XPO4: variants seen among roughly 807,000 people sequenced by gnomAD.
XPO4 encodes the protein exportin 4, also known as exportin-4.
In XPO4, 39 loss-of-function variants were observed where a neutral mutation model predicts 143.0. The observed-to-expected ratio is 0.27, with a 90% CI of 0.21 to 0.36. The LOEUF (loss-of-function observed/expected upper bound fraction) is 0.36. Ranked by LOEUF, XPO4 falls within the 10% of genes least tolerant of loss-of-function variation. The probability of loss-of-function intolerance (pLI) is 1.00; values close to 1 mark genes in which losing one functional copy is unlikely to be tolerated. For missense variants in XPO4, 907 were observed against 1,348.0 expected, an observed-to-expected ratio of 0.67 and a Z score of 5.12; for synonymous variants, 439 against 474.0, an observed-to-expected ratio of 0.93 and a Z score of 0.96.
chr13:20,798,052 G>A (rs898512025), intron 16 of XPO4, among the ~76,000 whole-genome samples: 2 of 152,112 alleles, frequency 1.3e-5, no homozygotes, highest in Non-Finnish European at 2.9e-5. Context: ...GCTGAGACAG[G>A]AGAGTCGCTT....
At chr13:20,890,186 T>C (rs1451069649) in intron 1 of XPO4, among the ~76,000 whole-genome samples, 1 of 152,206 alleles carries the variant, frequency 6.6e-6, no homozygotes, top group Non-Finnish European at 1.5e-5. Flanking sequence ...CGGTGGCTTA[T>C]GCCCGTCATC....
At chr13:20,837,476 G>T (rs2059929587) in intron 6 of XPO4, among the ~76,000 whole-genome samples, 1 of 151,836 alleles carries the variant, frequency 6.6e-6, no homozygotes, top group Non-Finnish European at 1.5e-5. Flanking sequence ...CGTAATCTCA[G>T]CTCACTGCCA....
At chr13:20,818,996 A>C (rs928894773) in intron 9 of XPO4, among the ~76,000 whole-genome samples, 1 of 151,764 alleles carries the variant, frequency 6.6e-6, no homozygotes, top group Non-Finnish European at 1.5e-5. Flanking sequence ...AATTTTTTAT[A>C]TTTTTAAGTA....
Position 20,802,417 on chromosome 13 carries a change from T to A in XPO4, c.1818-1427A>T, listed in dbSNP as rs76941750. On this transcript the variant is annotated intron_variant, in intron 13 of 22. Coordinates refer to ENST00000255305, the MANE Select transcript of XPO4 (RefSeq NM_022459.5). ...TGCTCGTTTGAGTTTTTTAAAAAAA[T>A]TTTTTAGGGGGTATATGAACAACAA... is the stretch of plus-strand genomic sequence containing the variant. 7.4e-3 allele frequency among the ~76,000 whole-genome samples: 1,121 copies of A among 152,164 alleles called. 12 individuals carry two copies. The highest frequency in any genetic ancestry group is 0.024 in the African/African-American group (984 of 41,506).
chr13:20,829,887 CA>C (rs1404079583), intron 6 of XPO4, among the ~76,000 whole-genome samples: 1 of 152,044 alleles, frequency 6.6e-6, no homozygotes, highest in Non-Finnish European at 1.5e-5. Flanking sequence ...AAACCTAAAC[CA>C]AAATTCTCAT....
chr13:20,875,176 T>G (rs1275869138), intron 1 of XPO4, among the ~76,000 whole-genome samples: 1 of 152,320 alleles, frequency 6.6e-6, no homozygotes, highest in East Asian at 1.9e-4. Flanking sequence ...TGATAAAAAT[T>G]TGCTCAACTT....
chr13:20,792,613 G>A (rs2059300164), intron 18 of XPO4, among the ~76,000 whole-genome samples: 2 of 151,524 alleles, frequency 1.3e-5, no homozygotes, highest in Admixed American at 1.3e-4. Flanking sequence ...CAGGCCTGGT[G>A]GCGGGTTCCT....
intron 1 of XPO4, among the ~76,000 whole-genome samples, chr13:20,868,976 C>G (rs2060268403): frequency 6.6e-6 from 1 of 152,142 alleles, no homozygotes; most frequent in African/African-American, 2.4e-5. Context: ...AGATACTTAT[C>G]TAACATTTTT....
Position 20,777,397 on chromosome 13 carries a change from T to C in XPO4, c.*6325A>G, listed in dbSNP as rs1042498737. The C allele has an allele frequency of 6.6e-6, 1 of 152,218 alleles. No homozygotes were observed. The highest frequency in any genetic ancestry group is 1.5e-5 in the Non-Finnish European group (1 of 68,036). The allele number at this position is 152,218 out of a possible 1,614,324, so 9.4% of individuals were successfully genotyped here. Reference sequence around the variant, plus strand: ...ATTTCATCCATCACTTTTAAATTTTTTCTTTGGGAGGAACACTTATAAACT... The same window carrying C: ...ATTTCATCCATCACTTTTAAATTTTCTCTTTGGGAGGAACACTTATAAACT... On this transcript the variant is annotated 3_prime_UTR_variant, in exon 23 of 23. Transcript: ENST00000255305.
intron 9 of XPO4, among the ~76,000 whole-genome samples, chr13:20,819,607 C>A (rs1042121438): frequency 1.3e-5 from 2 of 152,054 alleles, no homozygotes; most frequent in African/African-American, 4.8e-5. Flanking sequence ...TTGCAGTGAG[C>A]CAAGACCGTG....
In XPO4 at chr13:20,800,871, G is replaced by A; in HGVS notation, c.1937C>T (p.Ala646Val). The A allele has an allele frequency of 6.2e-7, 1 of 1,613,868 alleles. No homozygotes were observed. Among genetic ancestry groups the A allele is most frequent in the Non-Finnish European group, 8.5e-7 (1 of 1,179,924 alleles). ...TTCATCCACCAGGAGATAAGTCTTT[G>A]CCCAGCGTTTTAAAAACCAAACAAT... ...KDIVWFLKRW[A>V]KTYLLVDEKL... is the part of the protein sequence containing the mutation. Residue 646 changes from alanine to valine, a missense_variant, in exon 14 of 23, where the codon GCA (alanine) becomes GTA (valine). By Grantham distance (64) the Ala-to-Val change is moderately conservative. Coordinates refer to ENST00000255305, the MANE Select transcript of XPO4 (RefSeq NM_022459.5).
chr13:20,876,093 C>CAAAAAAAAAAAAAA, intron 1 of XPO4, among the ~76,000 whole-genome samples: 1 of 90,740 alleles, frequency 1.1e-5, no homozygotes, highest in Non-Finnish European at 2.2e-5. Flanking sequence ...CTACTAAATA[C>CAAAAAAAAAAAAAA]AAAAAAAAAA....
intron 13 of XPO4, 106 bp downstream of exon 13, chr13:20,807,351 G>C: frequency 3.6e-6 from 4 of 1,126,074 alleles, no homozygotes; most frequent in Non-Finnish European, 5.0e-6. Flanking sequence ...TTTTTTTCAT[G>C]TATCAGATTT....
chr13:20,834,086 A>G (rs1333328500), intron 6 of XPO4, among the ~76,000 whole-genome samples: 1 of 152,176 alleles, frequency 6.6e-6, no homozygotes, highest in East Asian at 1.9e-4. Context: ...CCACAGAGTG[A>G]TTTTTAACAT....
intron 1 of XPO4, among the ~76,000 whole-genome samples, chr13:20,894,624 T>G (rs2060550071): frequency 6.6e-6 from 1 of 152,042 alleles, no homozygotes; most frequent in Non-Finnish European, 1.5e-5. Context: ...GTGGATCACC[T>G]GAGGGTCAGG....
At chr13:20,786,309 A>G (rs74036442) in intron 22 of XPO4, among the ~76,000 whole-genome samples, 1,281 of 37,724 alleles carry the variant, frequency 0.034, 21 homozygotes, top group African/African-American at 0.069. Context: ...GTGTGTGTGT[A>G]TATATATATA....
At chr13:20,854,214 C>A (rs986280288) in intron 4 of XPO4, among the ~76,000 whole-genome samples, 1 of 152,184 alleles carries the variant, frequency 6.6e-6, no homozygotes, top group Non-Finnish European at 1.5e-5. Flanking sequence ...AGCTTGCTTA[C>A]AGATTCCGTG....
intron 4 of XPO4, chr13:20,849,098 T>C (rs1374046504): frequency 2.0e-6 from 2 of 985,406 alleles, no homozygotes; most frequent in Non-Finnish European, 2.4e-6. Flanking sequence ...ACTCAAACAC[T>C]AACTCCAGCT....
intron 1 of XPO4, among the ~76,000 whole-genome samples, chr13:20,894,406 T>C (rs1014616458): frequency 2.0e-5 from 3 of 152,210 alleles, no homozygotes; most frequent in African/African-American, 7.2e-5. Context: ...TCTGTGGAAA[T>C]GGAATGCCCT....
Sources: allele counts gnomAD v4.1 joint callset (sites outside exome capture counted in the v4.1 genomes callset), GRCh38; gene constraint gnomAD v4.1.1; transcripts MANE v1.5; gene names NCBI Gene and HGNC (gene_info 2026-07-23, HGNC 2026-07-21).